Variants in CSNK1G3 observed in about 807,000 individuals in gnomAD.
CSNK1G3 encodes casein kinase 1 gamma 3, also known as casein kinase I isoform gamma-3.
Under a neutral mutation model 64.3 loss-of-function variants are expected in CSNK1G3, and 23 were observed. The ratio of observed to expected loss-of-function variants is 0.36; its 90% CI spans 0.26 to 0.51. The LOEUF is 0.51. CSNK1G3 is among the 20% of genes least tolerant of loss of function. CSNK1G3 has a pLI of 0.96. For missense variants in CSNK1G3, 357 were observed against 510.5 expected (o/e 0.70, Z 2.90); for synonymous variants, 158 against 162.2 (o/e 0.97, Z 0.20).
intron 1 of CSNK1G3, among the ~76,000 whole-genome samples, chr5:123,539,103 G>A (rs1435278944): frequency 1.3e-5 from 2 of 152,130 alleles, no homozygotes; most frequent in Non-Finnish European, 2.9e-5. Flanking sequence ...CAAAGTACTG[G>A]AGTTATAGGC....
chr5:123,567,726 G>A (rs1344174905), intron 4 of CSNK1G3, among the ~76,000 whole-genome samples: 1 of 152,170 alleles, frequency 6.6e-6, no homozygotes, highest in African/African-American at 2.4e-5. Flanking sequence ...ATAGTCAAAG[G>A]CTGTATTATA....
intron 11 of CSNK1G3, 108 bp from the exon 13 acceptor site, chr5:123,605,231 G>A (rs959354908): frequency 1.8e-5 from 17 of 963,988 alleles, no homozygotes; most frequent in Non-Finnish European, 2.3e-5. Context: ...AACATTGCTT[G>A]GAAAAAATTA....
At chr5:123,539,343 G>A (rs1781321715) in intron 1 of CSNK1G3, among the ~76,000 whole-genome samples, 1 of 151,858 alleles carries the variant, frequency 6.6e-6, no homozygotes, top group African/African-American at 2.4e-5. Flanking sequence ...TACTCGGGAG[G>A]CTGGGGTGGG....
At chr5:123,590,287 T>C in intron 8 of CSNK1G3, 123 bp from the exon 9 acceptor site, 1 of 409,214 alleles carries the variant, frequency 2.4e-6, no homozygotes, top group Non-Finnish European at 4.1e-6. Context: ...AAAATTTAAA[T>C]TGCAATGTAA....
At chr5:123,550,441 A>G (rs1440991300) in intron 2 of CSNK1G3, among the ~76,000 whole-genome samples, 1 of 152,212 alleles carries the variant, frequency 6.6e-6, no homozygotes, top group Non-Finnish European at 1.5e-5. Context: ...TCACATGGCC[A>G]CACTAAGCTG....
intron 1 of CSNK1G3, among the ~76,000 whole-genome samples, chr5:123,529,753 G>T (rs1048944581): frequency 9.9e-5 from 15 of 152,134 alleles, no homozygotes; most frequent in African/African-American, 2.7e-4. Context: ...ACCTCGTCTT[G>T]AGTTTTGATT....
At chr5:123,570,644 C>A (rs569192772) in intron 4 of CSNK1G3, among the ~76,000 whole-genome samples, 49 of 152,270 alleles carry the variant, frequency 3.2e-4, no homozygotes, top group African/African-American at 1.2e-3. Flanking sequence ...GCATGAGCTA[C>A]CGCGCCCAGC....
exon 13 of CSNK1G3, chr5:123,615,601 A>G (rs1749321438): frequency 6.6e-6 from 1 of 151,816 alleles, no homozygotes; most frequent in Non-Finnish European, 1.5e-5. Context: ...ATGAACAACA[A>G]CAACAACAAC....
intron 10 of CSNK1G3, among the ~76,000 whole-genome samples, chr5:123,604,432 G>C (rs1302945808): frequency 6.6e-6 from 1 of 151,984 alleles, no homozygotes; most frequent in African/African-American, 2.4e-5. Context: ...ATACATGCAG[G>C]AGTTAGCCTT....
At chr5:123,595,447 T>G (rs992066263) in intron 10 of CSNK1G3, among the ~76,000 whole-genome samples, 4 of 152,188 alleles carry the variant, frequency 2.6e-5, no homozygotes, top group Non-Finnish European at 5.9e-5. Flanking sequence ...TTTCCAATAA[T>G]AAGATCAGTC....
At chr5:123,545,815 G>A in exon 2 of CSNK1G3, 1 of 1,613,418 alleles carries the variant, frequency 6.2e-7, no homozygotes, top group Non-Finnish European at 8.5e-7. Context: ...AAAATTGGAT[G>A]TGGCAATTTT....
intron 12 of CSNK1G3, among the ~76,000 whole-genome samples, chr5:123,608,317 A>T (rs1795722987): frequency 6.6e-6 from 1 of 152,140 alleles, no homozygotes; most frequent in South Asian, 2.1e-4. Flanking sequence ...TGGGGTAAAT[A>T]CTTGATTTCC....
intron 1 of CSNK1G3, among the ~76,000 whole-genome samples, chr5:123,527,107 G>T (rs546974346): frequency 6.6e-6 from 1 of 152,070 alleles, no homozygotes; most frequent in African/African-American, 2.4e-5. Flanking sequence ...TTGCACACCA[G>T]CAATATTGGG....
At chr5:123,532,202 C>A (rs917048448) in intron 1 of CSNK1G3, among the ~76,000 whole-genome samples, 1 of 151,812 alleles carries the variant, frequency 6.6e-6, no homozygotes, top group Non-Finnish European at 1.5e-5. Context: ...TTTTGCCTGA[C>A]TACTATAAAG....
intron 1 of CSNK1G3, among the ~76,000 whole-genome samples, chr5:123,531,774 A>G (rs1779974085): frequency 3.3e-5 from 5 of 151,866 alleles, no homozygotes; most frequent in Admixed American, 2.0e-4. Context: ...TATATCTGTT[A>G]TTTTTAGTAG....
intron 12 of CSNK1G3, among the ~76,000 whole-genome samples, chr5:123,607,588 C>T (rs1320082596): frequency 6.6e-6 from 1 of 152,078 alleles, no homozygotes; most frequent in Non-Finnish European, 1.5e-5. Flanking sequence ...TTGCCCAGGG[C>T]AGGGAAGAGG....
chr5:123,559,019 A>G (rs1407808576), intron 4 of CSNK1G3, among the ~76,000 whole-genome samples: 1 of 152,174 alleles, frequency 6.6e-6, no homozygotes, highest in Non-Finnish European at 1.5e-5. Context: ...GGTTGCCACC[A>G]ATAACCTAGG....
chr5:123,560,531 G>C, intron 4 of CSNK1G3, among the ~76,000 whole-genome samples: 1 of 152,102 alleles, frequency 6.6e-6, no homozygotes, highest in East Asian at 1.9e-4. Context: ...ATATTATCCA[G>C]CTTTAAAAAG....
chr5:123,527,745 T>C (rs1278113564), intron 1 of CSNK1G3, among the ~76,000 whole-genome samples: 1 of 152,240 alleles, frequency 6.6e-6, no homozygotes, highest in Non-Finnish European at 1.5e-5. Flanking sequence ...CTGGATGTAC[T>C]TTCTCATTTA....
Sources: gnomAD v4.1 joint callset for allele counts (sites outside exome capture counted in the v4.1 genomes callset) on GRCh38, gnomAD v4.1.1 for gene constraint, MANE v1.5 for transcripts, NCBI Gene and HGNC (gene_info 2026-07-23, HGNC 2026-07-21) for gene names.